The following PCSK5 variants were observed in gnomAD, a reference collection of about 807,000 sequenced individuals.
PCSK5 encodes the protein proprotein convertase subtilisin/kexin type 5.
Under a neutral mutation model 233.2 loss-of-function variants are expected in PCSK5, and 129 were observed. The observed-to-expected ratio is 0.55, with a 90% CI of 0.48 to 0.64. The LOEUF (loss-of-function observed/expected upper bound fraction) is 0.64. Ranked by LOEUF, PCSK5 falls within the 30% of genes least tolerant of loss-of-function variation. The pLI is 0.00. For synonymous variants in PCSK5, 825 were observed against 879.2 expected (o/e 0.94, Z 1.09); for missense variants, 2,076 against 2,430.1 (o/e 0.85, Z 3.06).
intron 8 of PCSK5, among the ~76,000 whole-genome samples, chr9:76,104,768 T>A (rs975938050): frequency 6.6e-6 from 1 of 152,042 alleles, no homozygotes; most frequent in Non-Finnish European, 1.5e-5. Flanking sequence ...TGGGAAAATA[T>A]CATGAAAAAT....
At chr9:76,295,015 A>G (rs887815805) in intron 25 of PCSK5, among the ~76,000 whole-genome samples, 13 of 152,042 alleles carry the variant, frequency 8.6e-5, no homozygotes, top group African/African-American at 2.7e-4. Context: ...TTAGCCAGGC[A>G]TGGTGGTGTG....
intron 22 of PCSK5, among the ~76,000 whole-genome samples, chr9:76,235,341 T>C (rs1013004156): frequency 6.6e-6 from 1 of 152,134 alleles, no homozygotes; most frequent in Non-Finnish European, 1.5e-5. Context: ...AAGTACAAGA[T>C]GGCATCCAAA....
chr9:76,288,117 T>C (rs1482725141), intron 24 of PCSK5: 2 of 152,230 alleles, frequency 1.3e-5, no homozygotes, highest in African/African-American at 2.4e-5. Context: ...AGGTTTTAGG[T>C]GGGAGAGAGA....
At chr9:76,108,976 G>A (rs1832094831) in intron 9 of PCSK5, among the ~76,000 whole-genome samples, 1 of 152,208 alleles carries the variant, frequency 6.6e-6, no homozygotes, top group African/African-American at 2.4e-5. Context: ...CCCAAGCCTG[G>A]AGATTGAGAG....
intron 20 of PCSK5, among the ~76,000 whole-genome samples, chr9:76,201,537 G>C (rs1465962453): frequency 1.3e-5 from 2 of 152,154 alleles, no homozygotes; most frequent in Non-Finnish European, 2.9e-5. Flanking sequence ...ATCAAAACAA[G>C]CTTCACGCTA....
chr9:76,270,072 C>G (rs893735157), intron 24 of PCSK5, among the ~76,000 whole-genome samples: 1 of 150,822 alleles, frequency 6.6e-6, no homozygotes, highest in African/African-American at 2.5e-5. Flanking sequence ...CAGGATGTCT[C>G]TTAGATTTCT....
At chr9:76,020,024 A>G (rs1012322321) in intron 3 of PCSK5, among the ~76,000 whole-genome samples, 12 of 152,342 alleles carry the variant, frequency 7.9e-5, no homozygotes, top group South Asian at 4.1e-4. Context: ...AATAGCTTCA[A>G]ATATGCTGGA....
At chr9:75,963,400 A>G (rs373084004) in intron 2 of PCSK5, among the ~76,000 whole-genome samples, 4 of 152,240 alleles carry the variant, frequency 2.6e-5, no homozygotes, top group African/African-American at 9.6e-5. Context: ...ACTTGGAAGA[A>G]TAAGAATTAT....
chr9:76,089,616 C>G (rs1467437721), intron 7 of PCSK5, among the ~76,000 whole-genome samples: 1 of 152,216 alleles, frequency 6.6e-6, no homozygotes, highest in East Asian at 1.9e-4. Context: ...ATCTCTCTTA[C>G]TCCTTTTTAT....
At chr9:76,265,945 G>C (rs1250516705) in intron 24 of PCSK5, among the ~76,000 whole-genome samples, 1 of 152,150 alleles carries the variant, frequency 6.6e-6, no homozygotes, top group Non-Finnish European at 1.5e-5. Context: ...ATCCTGTAAA[G>C]AGAAGGAAAT....
intron 32 of PCSK5, 70 bp from the exon 33 acceptor site, chr9:76,327,939 G>A: frequency 1.1e-6 from 1 of 925,450 alleles, no homozygotes; most frequent in Non-Finnish European, 1.8e-6. Context: ...CCCTTTCCCA[G>A]GGGAAGCCAT....
intron 20 of PCSK5, among the ~76,000 whole-genome samples, chr9:76,210,362 G>C (rs1208682897): frequency 1.3e-5 from 2 of 152,164 alleles, no homozygotes; most frequent in Admixed American, 1.3e-4. Context: ...CTCTGTCATT[G>C]GTTGAGGACA....
At chr9:76,004,167 A>G (rs543537559) in intron 3 of PCSK5, among the ~76,000 whole-genome samples, 2 of 152,166 alleles carry the variant, frequency 1.3e-5, no homozygotes, top group East Asian at 3.9e-4. Context: ...GAAACTGAGG[A>G]GGGTAGGAAG....
chr9:76,322,109 C>G (rs551481744), intron 31 of PCSK5, among the ~76,000 whole-genome samples: 1 of 152,132 alleles, frequency 6.6e-6, no homozygotes, highest in Non-Finnish European at 1.5e-5. Flanking sequence ...TCCACCACGC[C>G]GGGCTAATTT....
intron 2 of PCSK5, among the ~76,000 whole-genome samples, chr9:75,950,146 G>T (rs184188008): frequency 0.025 from 3,219 of 128,968 alleles, 129 homozygotes; most frequent in Non-Finnish European, 0.035. Context: ...TGTGTGTGTG[G>T]GGGGGGCGGG....
At chr9:75,908,835 T>C (rs943066092) in intron 1 of PCSK5, among the ~76,000 whole-genome samples, 3 of 151,754 alleles carry the variant, frequency 2.0e-5, no homozygotes, top group African/African-American at 7.3e-5. Flanking sequence ...TCTATCTATC[T>C]ATCCATCCAT....
chr9:76,251,306 G>GT (rs1277057307), intron 24 of PCSK5, among the ~76,000 whole-genome samples: 1 of 152,018 alleles, frequency 6.6e-6, no homozygotes, highest in Non-Finnish European at 1.5e-5. Context: ...GCTCACGCCT[G>GT]TAATCCCAGC....
chr9:76,351,780 C>T (rs570487063), intron 36 of PCSK5, among the ~76,000 whole-genome samples: 1 of 151,572 alleles, frequency 6.6e-6, no homozygotes, highest in East Asian at 2.0e-4. Flanking sequence ...CTCTGTCACC[C>T]AGGCTGGAGT....
At chr9:75,908,815 CATCTATCT>C (rs202004678) in intron 1 of PCSK5, among the ~76,000 whole-genome samples, 2 of 151,728 alleles carry the variant, frequency 1.3e-5, no homozygotes, top group African/African-American at 2.4e-5. Context: ...TCTTACATGC[CATCTATCT>C]ATCTATCTAT....
Sources: allele counts gnomAD v4.1 joint callset (sites outside exome capture counted in the v4.1 genomes callset), GRCh38; gene constraint gnomAD v4.1.1; transcripts MANE v1.5; gene names NCBI Gene and HGNC (gene_info 2026-07-23, HGNC 2026-07-21).